AMMECR1: variants seen among roughly 807,000 people sequenced by gnomAD.
AMMECR1 encodes the protein nuclear protein AMMECR1.
AMMECR1 carries 3 observed loss-of-function variants against 22.5 expected under a neutral mutation model. The observed-to-expected ratio is 0.13, with a 90% CI of 0.06 to 0.35. AMMECR1 has a LOEUF of 0.35. Among genes scored for constraint, AMMECR1 ranks in the 10% least tolerant of loss-of-function variants. The probability of loss-of-function intolerance (pLI) is 1.00; values close to 1 mark genes in which losing one functional copy is unlikely to be tolerated. For missense variants in AMMECR1, 235 were observed against 278.7 expected, an observed-to-expected ratio of 0.84 and a Z score of 1.12; for synonymous variants, 130 against 116.7, an observed-to-expected ratio of 1.11 and a Z score of -0.74.
At chrX:110,345,320 G>A (rs1488039789) in intron 2 of AMMECR1, among the ~76,000 whole-genome samples, 2 of 107,460 alleles carry the variant, frequency 1.9e-5, no homozygotes, top group African/African-American at 7.0e-5. Context: ...ACAGGAAGGG[G>A]AACATCACAC....
intron 1 of AMMECR1, among the ~76,000 whole-genome samples, chrX:110,277,725 T>C (rs2067833345): frequency 1.8e-5 from 2 of 111,691 alleles, no homozygotes; most frequent in South Asian, 7.6e-4. Context: ...CAAGTCACTC[T>C]TAAAAAATTT....
At chrX:110,269,527 T>TGG (rs746152372) in intron 1 of AMMECR1, among the ~76,000 whole-genome samples, 3 of 95,880 alleles carry the variant, frequency 3.1e-5, no homozygotes, top group Admixed American at 1.1e-4. Flanking sequence ...TTATTTATAT[T>TGG]GGGGGGGGGG....
At position 110,198,400 on chromosome X, in the gene AMMECR1, G is replaced by A. The variant is rs2067381212; in HGVS notation, c.*120C>T. The A allele has an allele frequency of 2.0e-5, 7 of 357,717 alleles. No individual in the cohort carries two copies. The highest frequency in any genetic ancestry group is 3.3e-5 in the Non-Finnish European group (7 of 210,243). 29.5% of individuals were successfully genotyped at this position (357,717 alleles called of 1,213,427 possible). A position where few individuals can be genotyped will look rare whatever the true frequency, so the allele number is the denominator to read the frequency against. On this transcript the variant is annotated 3_prime_UTR_variant, in exon 6 of 6. Transcript: ENST00000262844. ...GTTGACGATGTCGAAGCTTCACCATGGCAACGGAAACTATCATCATAAAAT... is the reference window on the plus strand; with the variant it reads ...GTTGACGATGTCGAAGCTTCACCATAGCAACGGAAACTATCATCATAAAAT...
intron 3 of AMMECR1, among the ~76,000 whole-genome samples, chrX:110,214,423 A>C (rs887305088): frequency 2.7e-5 from 3 of 111,875 alleles, no homozygotes; most frequent in Admixed American, 1.9e-4. Flanking sequence ...AAAGAGGATA[A>C]ATATGCCTTG....
At chrX:110,273,817 T>C (rs1284809906) in intron 1 of AMMECR1, among the ~76,000 whole-genome samples, 2 of 112,180 alleles carry the variant, frequency 1.8e-5, no homozygotes, top group African/African-American at 3.2e-5. Flanking sequence ...CAGTTCACTA[T>C]TGTGTTCCAC....
chrX:110,225,087 T>C (rs1471831670), intron 2 of AMMECR1: 1 of 366,857 alleles, frequency 2.7e-6, no homozygotes. Flanking sequence ...TTGAGTATTC[T>C]TATCACTAAA....
chrX:110,428,814 C>T (rs952986383), intron 1 of AMMECR1, among the ~76,000 whole-genome samples: 2 of 112,049 alleles, frequency 1.8e-5, no homozygotes, highest in East Asian at 5.6e-4. Context: ...TGGTGCAAAA[C>T]GAAAATGTGG....
At chrX:110,313,486 A>G (rs1040519167) in intron 1 of AMMECR1, among the ~76,000 whole-genome samples, 4 of 112,075 alleles carry the variant, frequency 3.6e-5, no homozygotes, top group African/African-American at 1.3e-4. Context: ...TTTGTTACAG[A>G]GGGAAAGTCT....
At chrX:110,216,438 A>G in intron 3 of AMMECR1, 80 bp downstream of exon 3, 1 of 668,527 alleles carries the variant, frequency 1.5e-6, no homozygotes, top group Non-Finnish European at 2.4e-6. Flanking sequence ...GGGCTGAAAG[A>G]GTTATTTTCT....
At chrX:110,252,549 T>TCA (rs1393186854) in intron 2 of AMMECR1, among the ~76,000 whole-genome samples, 3 of 112,126 alleles carry the variant, frequency 2.7e-5, no homozygotes, top group African/African-American at 9.7e-5. Flanking sequence ...GTCAAACCAC[T>TCA]CACACACACA....
intron 2 of AMMECR1, among the ~76,000 whole-genome samples, chrX:110,241,639 A>C (rs113857327): frequency 0.044 from 4,759 of 108,916 alleles, 290 homozygotes; most frequent in African/African-American, 0.15. Flanking sequence ...AGAGGGGAAC[A>C]TCACACACCA....
At chrX:110,387,231 C>T (rs2068461979) in intron 2 of AMMECR1, among the ~76,000 whole-genome samples, 1 of 112,309 alleles carries the variant, frequency 8.9e-6, no homozygotes, top group Admixed American at 9.4e-5. Flanking sequence ...CCCACAGTCC[C>T]ACCTTTCCAA....
chrX:110,438,169 T>G (rs928680243), intron 1 of AMMECR1, among the ~76,000 whole-genome samples: 1 of 111,423 alleles, frequency 9.0e-6, no homozygotes, highest in Non-Finnish European at 1.9e-5. Context: ...TCCTCCTCTC[T>G]CTTTGTCCCT....
intron 2 of AMMECR1, among the ~76,000 whole-genome samples, chrX:110,331,666 T>C (rs975552208): frequency 9.0e-6 from 1 of 111,720 alleles, no homozygotes; most frequent in Non-Finnish European, 1.9e-5. Flanking sequence ...AACATTGTTC[T>C]GATCTTATCA....
chrX:110,376,898 C>T (rs985434902), intron 2 of AMMECR1, among the ~76,000 whole-genome samples: 5 of 111,585 alleles, frequency 4.5e-5, no homozygotes, highest in Admixed American at 9.5e-5. Context: ...GGAGTGGGGA[C>T]GGTATGACGT....
At chrX:110,389,138 T>C (rs922205434) in intron 2 of AMMECR1, among the ~76,000 whole-genome samples, 1 of 112,537 alleles carries the variant, frequency 8.9e-6, no homozygotes, top group African/African-American at 3.2e-5. Context: ...TTGAACAGGA[T>C]TCTTTACGGC....
chrX:110,291,791 T>C (rs1456235392), intron 1 of AMMECR1, among the ~76,000 whole-genome samples: 2 of 112,149 alleles, frequency 1.8e-5, no homozygotes, highest in African/African-American at 6.5e-5. Flanking sequence ...GCCATGTGCC[T>C]ATGGGACTAC....
rs149330527 is a variant in AMMECR1, at chrX:110,347,611, A to G, written c.-147-29762T>C. On this transcript the variant is annotated intron_variant, in intron 2 of 7. Coordinates refer to the AMMECR1 transcript ENST00000372057. ...ATCTGTATTTGGCAGGCTTAGACATATTGCTGTCTTTTGGAGAAAAACAGC... is the reference window on the plus strand; with the variant it reads ...ATCTGTATTTGGCAGGCTTAGACATGTTGCTGTCTTTTGGAGAAAAACAGC... 9.8e-3 allele frequency among the ~76,000 whole-genome samples: 1,102 copies of G among 112,883 alleles called. 18 individuals carry two copies. Among genetic ancestry groups the G allele is most frequent in the African/African-American group, 0.033 (1,023 of 31,112 alleles).
intron 2 of AMMECR1, among the ~76,000 whole-genome samples, chrX:110,384,743 G>A (rs1363704079): frequency 3.6e-5 from 4 of 110,698 alleles, no homozygotes; most frequent in Non-Finnish European, 7.6e-5. Flanking sequence ...GAGCTTTTCT[G>A]TAAGGATTTG....
Sources: allele counts gnomAD v4.1 joint callset (sites outside exome capture counted in the v4.1 genomes callset), GRCh38; gene constraint gnomAD v4.1.1; transcripts MANE v1.5; gene names NCBI Gene and HGNC (gene_info 2026-07-23, HGNC 2026-07-21).